RYR3: variants seen among roughly 807,000 people sequenced by gnomAD.
The protein encoded by RYR3 is ryanodine receptor 3, also known as brain ryanodine receptor-calcium release channel.
Under a neutral mutation model 584.3 loss-of-function variants are expected in RYR3, and 207 were observed. The ratio of observed to expected loss-of-function variants is 0.35; its 90% CI spans 0.32 to 0.40. The LOEUF is 0.40. RYR3 is among the 10% of genes least tolerant of loss of function. The pLI, the probability that RYR3 is intolerant of heterozygous loss-of-function variation, is 1.00. For synonymous variants in RYR3, 2,416 were observed against 2,248.5 expected (o/e 1.07, Z -2.11); for missense variants, 5,616 against 6,089.2 (o/e 0.92, Z 2.59).
chr15:33,536,923 C>T (rs2055381171), intron 5 of RYR3, among the ~76,000 whole-genome samples: 1 of 152,148 alleles, frequency 6.6e-6, no homozygotes, highest in Non-Finnish European at 1.5e-5. Flanking sequence ...TATGCATTAA[C>T]TGTGGATGTC....
chr15:33,593,039 G>A (rs995225191), intron 16 of RYR3, among the ~76,000 whole-genome samples: 3 of 152,208 alleles, frequency 2.0e-5, no homozygotes, highest in African/African-American at 7.2e-5. Context: ...GAAGCTGAGA[G>A]GGAGCTTCCA....
chr15:33,387,050 G>T (rs2041653830), intron 1 of RYR3, among the ~76,000 whole-genome samples: 1 of 151,902 alleles, frequency 6.6e-6, no homozygotes, highest in Admixed American at 6.6e-5. Flanking sequence ...GTAGAGACGG[G>T]GTTTCACCAC....
Position 33,662,455 on chromosome 15 carries a change from T to C in RYR3, c.4925T>C (p.Leu1642Pro). Reference sequence around the variant, plus strand: ...ACCAGCACCACCAGGAATATCCGCCTCTTCCCGGACGAGTCCAAGAGGCAT... The same window carrying C: ...ACCAGCACCACCAGGAATATCCGCCCCTTCCCGGACGAGTCCAAGAGGCAT... The part of the protein sequence containing the change: ...PITSTTRNIR[L>P]FPDESKRHGL... Residue 1642 changes from leucine (L) to proline (P), a missense_variant, in exon 35 of 104, where the codon CTC (leucine) becomes CCC (proline). Physicochemically the swap from Leu to Pro is moderately conservative, Grantham distance 98 (BLOSUM62 -3). Around this residue, in one of 9 missense-constraint regions of RYR3, gnomAD observed 753 missense variants for 741.0 expected, o/e 1.02. Coordinates refer to ENST00000634891, the MANE Select transcript of RYR3 (RefSeq NM_001036.6). 2 of 1,614,030 alleles carry C rather than the reference T, an allele frequency of 1.2e-6. No individual in the cohort carries two copies. Among genetic ancestry groups the C allele is most frequent in the Non-Finnish European group, 1.7e-6 (2 of 1,179,896 alleles).
chr15:33,758,784 C>G (rs905526925), intron 60 of RYR3, among the ~76,000 whole-genome samples: 5 of 152,226 alleles, frequency 3.3e-5, no homozygotes, highest in Non-Finnish European at 7.3e-5. Context: ...GCACAGCACT[C>G]AAGCTCTGCT....
At chr15:33,464,507 T>TACACACAC (rs60729541) in intron 1 of RYR3, among the ~76,000 whole-genome samples, 3 of 121,036 alleles carry the variant, frequency 2.5e-5, no homozygotes, top group African/African-American at 8.8e-5. Context: ...TATATATACA[T>TACACACAC]ACACATACAC....
intron 20 of RYR3, among the ~76,000 whole-genome samples, chr15:33,625,508 A>C (rs539942903): frequency 6.6e-6 from 1 of 152,270 alleles, no homozygotes; most frequent in Admixed American, 6.5e-5. Context: ...CAGGGAGGAA[A>C]AACTTTTCTT....
intron 38 of RYR3, 76 bp from the exon 39 acceptor site, chr15:33,696,142 C>T: frequency 3.6e-6 from 5 of 1,399,424 alleles, no homozygotes; most frequent in Non-Finnish European, 4.9e-6. Context: ...CTTCTATTTG[C>T]ATGAAGTGGC....
intron 1 of RYR3, among the ~76,000 whole-genome samples, chr15:33,322,536 A>G (rs1042667274): frequency 6.6e-6 from 1 of 152,214 alleles, no homozygotes; most frequent in African/African-American, 2.4e-5. Context: ...TGGTGGGGAC[A>G]TATAATCAAA....
intron 84 of RYR3, 50 bp downstream of exon 84, chr15:33,826,802 C>A: frequency 7.3e-7 from 1 of 1,365,212 alleles, no homozygotes; most frequent in Non-Finnish European, 1.0e-6. Flanking sequence ...TCGGGCAAAA[C>A]TAGAATTCCG....
chr15:33,620,752 C>T (rs909044318), intron 19 of RYR3, among the ~76,000 whole-genome samples: 3 of 152,128 alleles, frequency 2.0e-5, no homozygotes, highest in Admixed American at 1.3e-4. Flanking sequence ...TCGCTTCTCA[C>T]GGACTCTGGG....
chr15:33,522,476 G>C (rs1389091792), intron 3 of RYR3, among the ~76,000 whole-genome samples: 5 of 152,166 alleles, frequency 3.3e-5, no homozygotes, highest in Admixed American at 3.3e-4. Flanking sequence ...AGGCACCTCT[G>C]ACTCTCGGCT....
intron 51 of RYR3, among the ~76,000 whole-genome samples, chr15:33,740,594 C>T (rs912583544): frequency 1.5e-4 from 23 of 152,184 alleles, no homozygotes; most frequent in African/African-American, 5.5e-4. Flanking sequence ...GTGTGCTTAT[C>T]CCTTGGGCAA....
chr15:33,388,152 G>T (rs972223177), intron 1 of RYR3, among the ~76,000 whole-genome samples: 2 of 152,028 alleles, frequency 1.3e-5, no homozygotes, highest in Non-Finnish European at 2.9e-5. Context: ...ATAAGAACAG[G>T]CCACCTGCAA....
intron 1 of RYR3, among the ~76,000 whole-genome samples, chr15:33,434,669 T>A (rs905196436): frequency 6.6e-6 from 1 of 152,212 alleles, no homozygotes; most frequent in African/African-American, 2.4e-5. Context: ...TAACAGGGTA[T>A]TACCGATAAC....
chr15:33,652,938 CTGTGT>C, intron 32 of RYR3, 55 bp downstream of exon 32: 1 of 1,528,724 alleles, frequency 6.5e-7, no homozygotes, highest in Non-Finnish European at 8.8e-7. Flanking sequence ...GTGTTTATCA[CTGTGT>C]TCCTTGTTCT....
chr15:33,533,208 C>T, intron 4 of RYR3, 103 bp from the exon 5 acceptor site: 2 of 727,872 alleles, frequency 2.7e-6, no homozygotes, highest in Non-Finnish European at 4.8e-6. Context: ...GAGCTGTCTT[C>T]ACAGTAGCTC....
At chr15:33,731,794 C>A in intron 48 of RYR3, 100 bp downstream of exon 48, 1 of 824,714 alleles carries the variant, frequency 1.2e-6, no homozygotes, top group Non-Finnish European at 2.0e-6. Context: ...AAGGAAGCTT[C>A]CAGGCCATTG....
Position 33,664,589 on chromosome 15 carries a change from G to GTGTGTATATATATATA in RYR3, c.5619+853_5619+854insGTGTATATATATATAT, listed in dbSNP as rs577496539. On this transcript the variant is annotated intron_variant, in intron 36 of 103. Transcript: ENST00000634891. ...TATATAGATATATGTGTGTGTGTGT[G>GTGTGTATATATATATA]TATATATATATATATATATATATAT... Among the ~76,000 whole-genome samples the GTGTGTATATATATATA allele has an allele frequency of 1.9e-4, 17 of 91,376 alleles. No individual in the cohort carries two copies. In the East Asian group the frequency reaches 2.2e-3, roughly 12 times the overall value. The allele number at this position is 91,376 out of a possible 152,430, so 59.9% of individuals were successfully genotyped here.
At position 33,681,893 on chromosome 15, in the gene RYR3, G is replaced by T. The variant is rs183785029; in HGVS notation, c.5860+11337G>T. On this transcript the variant is annotated intron_variant, in intron 38 of 103. Transcript: ENST00000634891. ...AGGTTTGAGATCTGTAAGCTGCAGGGATTTGCTTTGCCAGTGGCCAACCTC... is the reference window on the plus strand; with the variant it reads ...AGGTTTGAGATCTGTAAGCTGCAGGTATTTGCTTTGCCAGTGGCCAACCTC... Among the ~76,000 whole-genome samples, 23 of 152,300 alleles carry T rather than the reference G, an allele frequency of 1.5e-4. No individual in the cohort carries two copies. In the East Asian group the frequency reaches 3.7e-3, roughly 24 times the overall value.
Sources: allele counts gnomAD v4.1 joint callset (sites outside exome capture counted in the v4.1 genomes callset), GRCh38; gene constraint gnomAD v4.1.1; regional missense constraint gnomAD v4.1.1; transcripts MANE v1.5; gene names NCBI Gene and HGNC (gene_info 2026-07-23, HGNC 2026-07-21).